The following CHL1 variants were observed in gnomAD, a reference collection of about 807,000 sequenced individuals.
CHL1 encodes the protein neural cell adhesion molecule L1-like protein.
CHL1 carries 96 observed loss-of-function variants against 141.9 expected under a neutral mutation model. The observed-to-expected ratio is 0.68, with a 90% CI of 0.57 to 0.80. The LOEUF is 0.80. Ranked by LOEUF, CHL1 falls within the 30% of genes least tolerant of loss-of-function variation. The probability of loss-of-function intolerance (pLI) is 0.00; values close to 1 mark genes in which losing one functional copy is unlikely to be tolerated. For synonymous variants in CHL1, 613 were observed against 502.2 expected, an observed-to-expected ratio of 1.22 and a Z score of -2.95; for missense variants, 1,820 against 1,457.2, an observed-to-expected ratio of 1.25 and a Z score of -4.05.
rs754979357 is a variant in CHL1 at position 344,639 on chromosome 3, A to G, written c.778A>G (p.Ser260Gly). ...KPKLLLPPTE[S>G]GSESSITILK... The stretch of plus-strand genomic sequence containing the variant: ...CAAACTGCTGTTGCCTCCCACTGAG[A>G]GTGGCAGTGAGTCTTCAATTACCAT... Residue 260 changes from serine to glycine, a missense_variant, in exon 9 of 28, where the codon AGT (serine) becomes GGT (glycine). Ser to Gly is a moderately conservative substitution (Grantham distance 56). Transcript: ENST00000256509. The G allele has an allele frequency of 6.2e-7, 1 of 1,613,324 alleles. No individual in the cohort carries two copies. The highest frequency in any genetic ancestry group is 1.1e-5 in the South Asian group (1 of 91,040).
At chr3:249,793 A>G (rs1261662235) in intron 2 of CHL1, among the ~76,000 whole-genome samples, 2 of 152,158 alleles carry the variant, frequency 1.3e-5, no homozygotes, top group African/African-American at 2.4e-5. Context: ...TTAACCAGTT[A>G]TATCAAGCCT....
intron 1 of CHL1, among the ~76,000 whole-genome samples, chr3:219,344 A>C (rs1433282964): frequency 6.6e-6 from 1 of 152,124 alleles, no homozygotes; most frequent in Non-Finnish European, 1.5e-5. Flanking sequence ...AAGGAATATA[A>C]ATTTTTACAT....
intron 2 of CHL1, among the ~76,000 whole-genome samples, chr3:300,900 CCA>C: frequency 6.6e-6 from 1 of 152,184 alleles, no homozygotes; most frequent in South Asian, 2.1e-4. Flanking sequence ...AAAGGATTCT[CCA>C]GACTGATGGA....
At chr3:320,827 G>C (rs1347897870) in intron 3 of CHL1, among the ~76,000 whole-genome samples, 2 of 151,910 alleles carry the variant, frequency 1.3e-5, no homozygotes, top group Non-Finnish European at 2.9e-5. Context: ...CCCACGAGAG[G>C]TTATTAAGAC....
chr3:382,159 T>G lies in CHL1; in HGVS notation c.1877-20T>G. 6.3e-7 allele frequency: 1 copy of G among 1,596,476 alleles called. No homozygotes were observed. The highest frequency in any genetic ancestry group is 8.6e-7 in the Non-Finnish European group (1 of 1,165,436). ...TAAACAAAGGCAATTATCTACATTT[T>G]CCCTTCCTTTATTAATTAGATGTTC... On this transcript the variant is annotated intron_variant, in intron 16 of 27. Transcript: ENST00000256509.
chr3:252,100 T>G lies in CHL1; in HGVS notation c.-95+7408T>G, dbSNP rs185643445. ...TTTGTGTTACTTGTTTCTTATAAAA[T>G]ATAGAATAATCTTTTGAAGATTCTT... On this transcript the variant is annotated intron_variant, in intron 2 of 27. Coordinates refer to ENST00000256509, the MANE Select transcript of CHL1 (RefSeq NM_006614.4). 1.7e-3 allele frequency among the ~76,000 whole-genome samples: 260 copies of G among 152,048 alleles called. 6 individuals are homozygous for G. The highest frequency in any genetic ancestry group is 0.015 in the Admixed American group (232 of 15,228).
At chr3:311,518 A>G (rs1419783251) in intron 2 of CHL1, among the ~76,000 whole-genome samples, 1 of 152,088 alleles carries the variant, frequency 6.6e-6, no homozygotes, top group African/African-American at 2.4e-5. Flanking sequence ...ACTGGATGCA[A>G]ATAGCACTGC....
At chr3:258,524 C>T (rs141554910) in intron 2 of CHL1, among the ~76,000 whole-genome samples, 28 of 152,336 alleles carry the variant, frequency 1.8e-4, no homozygotes, top group Non-Finnish European at 3.4e-4. Flanking sequence ...AAAATCGAAA[C>T]CCTGTTCTAT....
rs536886141 is a variant in CHL1 at position 267,779 on chromosome 3, C to T, written c.-95+23087C>T. Among the ~76,000 whole-genome samples, 6 of 152,092 alleles carry T rather than the reference C, an allele frequency of 3.9e-5. No homozygotes were observed. The South Asian group carries it at 8.3e-4, about 21-fold the overall frequency. On this transcript the variant is annotated intron_variant, in intron 2 of 27. Transcript: ENST00000256509. ...CAGTTTTTGGGCAACAAATATTCTC[C>T]CTAAGACTCAAGATGTGTTTTCTTA...
rs571755854 is a variant in CHL1 at position 399,077 on chromosome 3, C to T, written c.3314C>T (p.Ala1105Val). Residue 1105 changes from alanine to valine, a missense_variant, in exon 26 of 28, where the codon GCG becomes GTG. Transcript: ENST00000256509. ...GGCTGGTTTATTGGACTGATGTGTG[C>T]GATTGCTCTTCTCACACTACTATTA... ...TQGWFIGLMCAIALLTLLLLT... is the reference protein window; with the variant it reads ...TQGWFIGLMCVIALLTLLLLT... The T allele has an allele frequency of 1.0e-4, 164 of 1,601,986 alleles. 1 individual carries two copies. The South Asian group carries it at 1.2e-3, about 12-fold the overall frequency.
At chr3:230,283 C>T (rs1701744645) in intron 1 of CHL1, among the ~76,000 whole-genome samples, 1 of 152,102 alleles carries the variant, frequency 6.6e-6, no homozygotes. Context: ...CTCTTTCTGG[C>T]TTTTGTGTCA....
rs1389176747 is a variant in CHL1, at chr3:408,870, G to T, written c.*3159G>T. On this transcript the variant is annotated 3_prime_UTR_variant, in exon 28 of 28. Transcript: ENST00000256509. ...AGGCATTGATATTTTAGATGCACCC[G>T]TGTTTGTAAAAATGTAGAGCACAAT... 6.6e-6 allele frequency: 1 copy of T among 152,006 alleles called. No individual in the cohort carries two copies. Among genetic ancestry groups the T allele is most frequent in the East Asian group, 1.9e-4 (1 of 5,182 alleles). The allele number at this position is 152,006 out of a possible 1,614,324, so 9.4% of individuals were successfully genotyped here.
At chr3:403,552 C>G (rs9874604) in intron 27 of CHL1, among the ~76,000 whole-genome samples, 1 of 152,106 alleles carries the variant, frequency 6.6e-6, no homozygotes, top group Admixed American at 6.5e-5. Context: ...ATCTCAACAA[C>G]AAAACAAAAA....
chr3:197,636 G>T (rs770167797), intron 1 of CHL1: 91 of 359,870 alleles, frequency 2.5e-4, no homozygotes, highest in Middle Eastern at 1.9e-3. Flanking sequence ...AGCCCGGGGG[G>T]GGTTCCGAAA....
chr3:377,363 A>T (rs1010952855), intron 15 of CHL1, among the ~76,000 whole-genome samples: 1 of 152,220 alleles, frequency 6.6e-6, no homozygotes, highest in Admixed American at 6.5e-5. Context: ...AACTGAGATT[A>T]TCCGACTCCT....
At chr3:397,552 T>C (rs1040243906) in intron 24 of CHL1, among the ~76,000 whole-genome samples, 12 of 152,154 alleles carry the variant, frequency 7.9e-5, no homozygotes, top group Admixed American at 1.3e-4. Context: ...TATTTGGTGG[T>C]AAGACAAGAA....
intron 13 of CHL1, among the ~76,000 whole-genome samples, chr3:362,873 A>G (rs1442201123): frequency 2.6e-5 from 4 of 152,214 alleles, no homozygotes; most frequent in Non-Finnish European, 5.9e-5. Context: ...TAGCTTTCCC[A>G]TTTAGTACCC....
chr3:354,433 G>GCACACACA (rs3836376), intron 10 of CHL1, among the ~76,000 whole-genome samples: 1 of 149,496 alleles, frequency 6.7e-6, no homozygotes. Flanking sequence ...TTAAACACAA[G>GCACACACA]CACACACACA....
intron 1 of CHL1, among the ~76,000 whole-genome samples, chr3:198,422 C>G: frequency 6.6e-6 from 1 of 151,830 alleles, no homozygotes; most frequent in East Asian, 2.0e-4. Context: ...ACTGGTGGGC[C>G]CCCCGGGCTC....
Sources: gnomAD v4.1 joint callset for allele counts (sites outside exome capture counted in the v4.1 genomes callset) on GRCh38, gnomAD v4.1.1 for gene constraint, MANE v1.5 for transcripts, NCBI Gene and HGNC (gene_info 2026-07-23, HGNC 2026-07-21) for gene names.